Variants in KRT40 observed in about 807,000 individuals in gnomAD.
The protein encoded by KRT40 is keratin 40.
KRT40 carries 47 observed loss-of-function variants against 43.5 expected under a neutral mutation model. The ratio of observed to expected loss-of-function variants is 1.08; its 90% CI spans 0.86 to 1.38. KRT40 has a LOEUF of 1.38. Among genes scored for constraint, KRT40 ranks in the 40% most tolerant of loss-of-function variants. The probability of loss-of-function intolerance (pLI) is 0.00; values close to 1 mark genes in which losing one functional copy is unlikely to be tolerated. For synonymous variants in KRT40, 212 were observed against 214.0 expected (o/e 0.99, Z 0.08); for missense variants, 573 against 523.6 (o/e 1.09, Z -0.92).
At chr17:40,986,262 A>C (rs1039328096), upstream of KRT40, 1 of 152,404 alleles carries the variant, frequency 6.6e-6, no homozygotes, top group African/African-American at 2.4e-5. Context: ...AAACCAAAAA[A>C]CAAAAAACAA....
chr17:40,981,126 A>G lies in KRT40; in HGVS notation c.713T>C (p.Leu238Pro). Residue 238 changes from leucine to proline, a missense_variant, in exon 4 of 7, where the codon CTT becomes CCT. Coordinates refer to ENST00000377755, the MANE Select transcript of KRT40 (RefSeq NM_001389244.1). ...EEEVNLLREQ[L>P]GDRLSVELDT... ...CAGCTCCACACTGAGGCGGTCGCCA[A>G]GCTGTTCACGAAGCAAGTTGACTTC... The G allele has an allele frequency of 6.2e-7, 1 of 1,614,118 alleles. No homozygotes were observed. Among genetic ancestry groups the G allele is most frequent in the South Asian group, 1.1e-5 (1 of 91,064 alleles).
In KRT40 at chr17:40,982,451, T is replaced by C; in HGVS notation, c.543A>G (p.Glu181=). 1 of 1,593,528 alleles carries C rather than the reference T, an allele frequency of 6.3e-7. No individual in the cohort carries two copies. Among genetic ancestry groups the C allele is most frequent in the Non-Finnish European group, 8.5e-7 (1 of 1,172,024 alleles). The change falls in exon 3 of 7, where the codon GAA becomes GAG. Residue 181 remains glutamate (E), a synonymous_variant. Coordinates refer to ENST00000377755, the MANE Select transcript of KRT40 (RefSeq NM_001389244.1). ...TDDFKSKYES[E]LSLRQLLEAD... ...CCTCTAACAGCTGGCGAAGGGACAG[T>C]TCACTCTCGTACCTTTCACAGCAAA...
rs865983339 is a variant in KRT40 at position 40,984,100 on chromosome 17, GCAAC to G, written c.170_173del (p.Gly57AlafsTer39). The G allele has an allele frequency of 3.1e-5, 50 of 1,614,000 alleles. No individual in the cohort carries two copies. Among genetic ancestry groups the G allele is most frequent in the Non-Finnish European group, 4.1e-5 (48 of 1,180,028 alleles). On this transcript the variant is annotated frameshift_variant, in exon 1 of 7. Transcript: ENST00000377755. LOFTEE classifies it high-confidence loss of function. ...TCCCAGTAAAGTAGCATGGCAGGAG[GCAAC>G]CAGTCAGCCCGCGAGACCTGGATAG...
intron 5 of KRT40, among the ~76,000 whole-genome samples, chr17:40,979,568 C>T (rs1356463301): frequency 6.6e-6 from 1 of 151,904 alleles, no homozygotes; most frequent in South Asian, 2.1e-4. Flanking sequence ...TGCCACTGTT[C>T]TACGTGTCAA....
Position 40,983,828 on chromosome 17 carries a change from T to C in KRT40, c.446A>G (p.Lys149Arg). Residue 149 changes from lysine to arginine, a missense_variant and splice_region_variant, in exon 1 of 7, where the codon AAG becomes AGG. Transcript: ENST00000377755. Reference sequence around the variant, plus strand: ...GCACTAGGGCAACAGGACACAGACCTTTTGTTGGAGATCTTCAATGGTGTT... The same window carrying C: ...GCACTAGGGCAACAGGACACAGACCCTTTGTTGGAGATCTTCAATGGTGTT... ...YFNTIEDLQQ[K>R]ILCTKAENSR... 6.2e-7 allele frequency: 1 copy of C among 1,612,802 alleles called. No individual in the cohort carries two copies. The highest frequency in any genetic ancestry group is 8.5e-7 in the Non-Finnish European group (1 of 1,178,888).
upstream of KRT40, among the ~76,000 whole-genome samples, chr17:40,986,045 T>A (rs1353401015): frequency 6.6e-6 from 1 of 152,208 alleles, no homozygotes. Context: ...TCTTGATTAA[T>A]TAGGTAGTGT....
chr17:40,982,227 T>C, intron 3 of KRT40, 80 bp downstream of exon 3: 1 of 1,313,060 alleles, frequency 7.6e-7, no homozygotes, highest in Non-Finnish European at 1.0e-6. Context: ...CCAAATTCGA[T>C]TTACAAACAT....
chr17:40,979,481 G>A (rs1198420797), intron 5 of KRT40, among the ~76,000 whole-genome samples: 1 of 147,318 alleles, frequency 6.8e-6, no homozygotes, highest in East Asian at 2.0e-4. Flanking sequence ...CAGCCTGGGC[G>A]ACAGAGGGAG....
rs1245605327 is a variant in KRT40 at position 40,984,196 on chromosome 17, G to C, written c.78C>G (p.Ser26Arg). 6.2e-7 allele frequency: 1 copy of C among 1,613,962 alleles called. No individual in the cohort carries two copies. The highest frequency in any genetic ancestry group is 2.2e-5 in the East Asian group (1 of 44,864). The change falls in exon 1 of 7, where the codon AGC (serine) becomes AGG (arginine). Residue 26 changes from serine (S) to arginine (R), a missense_variant. Ser to Arg is a moderately radical substitution (Grantham distance 110). Transcript: ENST00000377755. ...GGAGACAAGCTGTTTCCACGGAGCAGCTTGAGGCAGGTGCACAACCGGAAG... is the reference window on the plus strand; with the variant it reads ...GGAGACAAGCTGTTTCCACGGAGCACCTTGAGGCAGGTGCACAACCGGAAG... ...GTASGCAPAS[S>R]CSVETACLPG... is the part of the protein sequence containing the mutation.
intron 3 of KRT40, 150 bp from the exon 4 acceptor site, chr17:40,981,301 T>A (rs8074364): frequency 4.9e-6 from 7 of 1,433,180 alleles, no homozygotes; most frequent in Non-Finnish European, 6.7e-6. Flanking sequence ...TTTTCACCAC[T>A]TAGAAGGGCC....
intron 5 of KRT40, 51 bp downstream of exon 5, chr17:40,980,734 C>A: frequency 6.5e-7 from 1 of 1,531,154 alleles, no homozygotes; most frequent in South Asian, 1.3e-5. Flanking sequence ...CTTAACATCT[C>A]AGGGCCTGAC....
chr17:40,986,549 A>G (rs953733090), upstream of KRT40, among the ~76,000 whole-genome samples: 10 of 152,162 alleles, frequency 6.6e-5, no homozygotes, highest in Non-Finnish European at 1.5e-4. Context: ...ACGTATTTTC[A>G]TACGTTCTCT....
chr17:40,986,299 C>T (rs1912466171), upstream of KRT40: 1 of 152,296 alleles, frequency 6.6e-6, no homozygotes, highest in South Asian at 2.1e-4. Context: ...ATGTATAAGA[C>T]TCACCTTCTT....
rs755275883 is a variant in KRT40, at chr17:40,978,857, C to G, written c.1143G>C (p.Arg381=). The change falls in exon 6 of 7, where the codon CGG becomes CGC. Residue 381 remains arginine (R), a synonymous_variant. Transcript: ENST00000377755. ...AGTACGTGTTGATCTCACCCTCCAG[C>G]CGGGCCTTCACGTCCAGGAGCACCT... The part of the protein sequence containing the change: ...EYQVLLDVKA[R]LEGEINTYWG... 6.2e-7 allele frequency: 1 copy of G among 1,613,180 alleles called. No homozygotes were observed. Among genetic ancestry groups the G allele is most frequent in the African/African-American group, 1.3e-5 (1 of 74,800 alleles).
chr17:40,982,505 C>A, intron 2 of KRT40, 42 bp from the exon 3 acceptor site: 2 of 1,481,488 alleles, frequency 1.3e-6, no homozygotes, highest in South Asian at 1.5e-5. Context: ...CTTTGCTGAA[C>A]GCTGTGCAAA....
chr17:40,979,155 C>T (rs1004757989), intron 5 of KRT40, 131 bp from the exon 6 acceptor site: 22 of 660,420 alleles, frequency 3.3e-5, no homozygotes, highest in African/African-American at 7.3e-5. Flanking sequence ...CTGTGAGTCT[C>T]AGTTTTATTC....
chr17:40,981,686 G>C (rs1291597115), intron 3 of KRT40, among the ~76,000 whole-genome samples: 1 of 152,134 alleles, frequency 6.6e-6, no homozygotes, highest in Non-Finnish European at 1.5e-5. Flanking sequence ...CTGTGGACTG[G>C]AGCTAGGGGT....
chr17:40,981,092 G>GACTGC lies in KRT40; in HGVS notation c.746_747insGCAGT (p.Pro250GlnfsTer40). On this transcript the variant is annotated frameshift_variant, in exon 4 of 7. Coordinates refer to ENST00000377755, the MANE Select transcript of KRT40 (RefSeq NM_001389244.1). LOFTEE classifies it high-confidence loss of function. ...GGACCCTGTTGAGGTCAAGGGTGGGGGCAGTGTCCAGCTCCACACTGAGGC... is the reference window on the plus strand; with the variant it reads ...GGACCCTGTTGAGGTCAAGGGTGGGGACTGCGCAGTGTCCAGCTCCACACTGAGGC... The GACTGC allele has an allele frequency of 1.2e-6, 2 of 1,614,226 alleles. No individual in the cohort carries two copies. The highest frequency in any genetic ancestry group is 1.7e-6 in the Non-Finnish European group (2 of 1,180,040).
intron 6 of KRT40, 69 bp from the exon 7 acceptor site, chr17:40,978,365 C>T (rs1396463026): frequency 3.9e-6 from 5 of 1,288,616 alleles, no homozygotes; most frequent in South Asian, 2.4e-5. Flanking sequence ...TCAGAAAAAC[C>T]GTGTCAAAAT....
Sources: gnomAD v4.1 joint callset for allele counts (sites outside exome capture counted in the v4.1 genomes callset) on GRCh38, gnomAD v4.1.1 for gene constraint, MANE v1.5 for transcripts, NCBI Gene and HGNC (gene_info 2026-07-23, HGNC 2026-07-21) for gene names.